The following TRPS1 variants were observed in gnomAD, a reference collection of about 807,000 sequenced individuals.
The protein encoded by TRPS1 is transcriptional repressor GATA binding 1, also known as zinc finger transcription factor Trps1.
TRPS1 carries 6 observed loss-of-function variants against 101.2 expected under a neutral mutation model. The observed-to-expected ratio is 0.06, with a 90% CI of 0.03 to 0.12. TRPS1 has a LOEUF of 0.12. TRPS1 is among the 10% of genes least tolerant of loss of function. The pLI is 1.00. For synonymous variants in TRPS1, 578 were observed against 589.8 expected, an observed-to-expected ratio of 0.98 and a Z score of 0.29; for missense variants, 1,363 against 1,567.0, an observed-to-expected ratio of 0.87 and a Z score of 2.20.
At chr8:115,528,800 C>G (rs1816061916) in intron 5 of TRPS1, among the ~76,000 whole-genome samples, 1 of 151,878 alleles carries the variant, frequency 6.6e-6, no homozygotes, top group Admixed American at 6.6e-5. Flanking sequence ...TATAGTCATT[C>G]AACTGTAGAG....
intron 5 of TRPS1, among the ~76,000 whole-genome samples, chr8:115,535,228 A>ATATATAG (rs1298952668): frequency 4.0e-5 from 3 of 75,524 alleles, no homozygotes; most frequent in Non-Finnish European, 7.0e-5. Flanking sequence ...TATAGCATAT[A>ATATATAG]TATATAGCAT....
At position 115,483,305 on chromosome 8, in the gene TRPS1, GT is replaced by G. The variant is rs1814800180; in HGVS notation, c.2701-64854del. ...CCCAGCACTTTGGGAGGTTGGGCAG[GT>G]GGATCGCTTGAGTCCAGGAGTGTAA... On this transcript the variant is annotated intron_variant, in intron 5 of 6. Coordinates refer to ENST00000395715, the MANE Select transcript of TRPS1 (RefSeq NM_014112.5). 3.9e-5 allele frequency among the ~76,000 whole-genome samples: 6 copies of G among 152,198 alleles called. No individual in the cohort carries two copies. The South Asian group carries it at 1.2e-3, about 32-fold the overall frequency.
intron 5 of TRPS1, among the ~76,000 whole-genome samples, chr8:115,451,013 A>G (rs1367669616): frequency 6.6e-6 from 1 of 152,232 alleles, no homozygotes; most frequent in Non-Finnish European, 1.5e-5. Flanking sequence ...GGTTAGAGTG[A>G]ACAAGGACTC....
Position 115,610,322 on chromosome 8 carries a change from G to A in TRPS1, c.967-5320C>T, listed in dbSNP as rs79080299. 9.2e-3 allele frequency among the ~76,000 whole-genome samples: 1,398 copies of A among 152,212 alleles called. 22 individuals carry two copies. The highest frequency in any genetic ancestry group is 0.032 in the African/African-American group (1,325 of 41,542). On this transcript the variant is annotated intron_variant, in intron 3 of 6. Transcript: ENST00000395715. ...AAAGTCTGTAAGGGCCGATCTTAGC[G>A]GAAAATAACTACAGCCAGAATTAAT...
intron 5 of TRPS1, among the ~76,000 whole-genome samples, chr8:115,436,701 C>G (rs1470042089): frequency 6.6e-6 from 1 of 152,092 alleles, no homozygotes; most frequent in Non-Finnish European, 1.5e-5. Context: ...ACAAATTACC[C>G]TGGGATCTTG....
In TRPS1 at chr8:115,414,336, T is replaced by A; in HGVS notation, c.3572A>T (p.Asn1191Ile). Reference sequence around the variant, plus strand: ...CTTCGTTTTCTCCTTGGAGGCACCGTTTGCAGTTGGCCCAGGTCTGGAATG... The same window carrying A: ...CTTCGTTTTCTCCTTGGAGGCACCGATTGCAGTTGGCCCAGGTCTGGAATG... ...IKHSRPGPTANGASKEKTKAP... is the reference protein window; with the variant it reads ...IKHSRPGPTAIGASKEKTKAP... Residue 1191 changes from asparagine to isoleucine, a missense_variant, in exon 7 of 7, where the codon AAC becomes ATC. Physicochemically the swap from Asn to Ile is moderately radical, Grantham distance 149. Coordinates refer to ENST00000395715, the MANE Select transcript of TRPS1 (RefSeq NM_014112.5). This position sits in a 1 kb window ranked among gnomAD's most constrained non-coding sequence, Gnocchi z 4.8. 6.2e-7 allele frequency: 1 copy of A among 1,613,994 alleles called. No homozygotes were observed. The highest frequency in any genetic ancestry group is 8.5e-7 in the Non-Finnish European group (1 of 1,179,950).
At chr8:115,519,289 T>C in intron 5 of TRPS1, among the ~76,000 whole-genome samples, 1 of 151,744 alleles carries the variant, frequency 6.6e-6, no homozygotes, top group Non-Finnish European at 1.5e-5. Flanking sequence ...TATAACTTCT[T>C]AACAATATTA....
intron 1 of TRPS1, among the ~76,000 whole-genome samples, chr8:115,638,695 C>G (rs527684859): frequency 1.3e-5 from 2 of 152,194 alleles, no homozygotes; most frequent in African/African-American, 4.8e-5. Flanking sequence ...ATTATGCAAG[C>G]ACATTAACCA....
intron 5 of TRPS1, among the ~76,000 whole-genome samples, chr8:115,431,611 G>A (rs770710536): frequency 7.9e-5 from 12 of 151,866 alleles, no homozygotes; most frequent in Non-Finnish European, 1.8e-4. Flanking sequence ...GAAATTTGAG[G>A]AAGGAAATCA....
intron 1 of TRPS1, among the ~76,000 whole-genome samples, chr8:115,637,580 T>C (rs1193481178): frequency 6.6e-6 from 1 of 152,224 alleles, no homozygotes; most frequent in African/African-American, 2.4e-5. Flanking sequence ...GCTATGATCA[T>C]CTTTATATAG....
intron 1 of TRPS1, among the ~76,000 whole-genome samples, chr8:115,639,199 G>A (rs545568451): frequency 6.6e-6 from 1 of 152,124 alleles, no homozygotes; most frequent in Non-Finnish European, 1.5e-5. Flanking sequence ...AAGTATCTGG[G>A]ACAACAGGCA....
chr8:115,667,915 G>A, intron 1 of TRPS1: 8 of 1,535,102 alleles, frequency 5.2e-6, no homozygotes, highest in Non-Finnish European at 7.0e-6. Context: ...CGCTTGTCAC[G>A]AGCCCCCAGA....
chr8:115,416,501 ATATAATG>A (rs1812922705), intron 6 of TRPS1, among the ~76,000 whole-genome samples: 1 of 148,958 alleles, frequency 6.7e-6, no homozygotes, highest in Non-Finnish European at 1.5e-5. Flanking sequence ...CATTATGTGT[ATATAATG>A]TATAATTTTA....
intron 1 of TRPS1, among the ~76,000 whole-genome samples, chr8:115,652,277 A>C (rs913974558): frequency 2.0e-5 from 3 of 152,174 alleles, no homozygotes; most frequent in African/African-American, 7.2e-5. Flanking sequence ...CAATGTCAAC[A>C]AACAGAGGCG....
chr8:115,659,574 A>G (rs1452564764), intron 1 of TRPS1, among the ~76,000 whole-genome samples: 1 of 151,970 alleles, frequency 6.6e-6, no homozygotes, highest in East Asian at 1.9e-4. Flanking sequence ...ATTAATATAT[A>G]TATGACCTGT....
chr8:115,428,838 C>A (rs561058150), intron 5 of TRPS1, among the ~76,000 whole-genome samples: 1 of 152,042 alleles, frequency 6.6e-6, no homozygotes. Flanking sequence ...GTCCTCAGGA[C>A]GGGTAAAATC....
intron 5 of TRPS1, among the ~76,000 whole-genome samples, chr8:115,559,740 A>T (rs970601742): frequency 8.5e-5 from 13 of 152,222 alleles, no homozygotes; most frequent in South Asian, 8.3e-4. Context: ...TTTATTTTTT[A>T]AAAAATGTCA....
At chr8:115,453,268 C>T (rs1813927030) in intron 5 of TRPS1, among the ~76,000 whole-genome samples, 2 of 152,154 alleles carry the variant, frequency 1.3e-5, no homozygotes. Flanking sequence ...ATCTGCCCTC[C>T]TCGGCCTCCC....
chr8:115,612,961 A>G (rs1428501134), intron 3 of TRPS1, among the ~76,000 whole-genome samples: 1 of 152,178 alleles, frequency 6.6e-6, no homozygotes, highest in Non-Finnish European at 1.5e-5. Flanking sequence ...GAGGACATAA[A>G]TGGGAATGGA....
Sources: gnomAD v4.1 joint callset for allele counts (sites outside exome capture counted in the v4.1 genomes callset) on GRCh38, gnomAD v4.1.1 for gene constraint, Gnocchi (gnomAD v3.1) non-coding constraint, MANE v1.5 for transcripts, NCBI Gene and HGNC (gene_info 2026-07-23, HGNC 2026-07-21) for gene names.